The following SPAG16 variants were observed in gnomAD, a reference collection of about 807,000 sequenced individuals.
The protein encoded by SPAG16 is sperm associated antigen 16.
Under a neutral mutation model 80.4 loss-of-function variants are expected in SPAG16, and 86 were observed. The observed-to-expected ratio is 1.07, with a 90% confidence interval of 0.90 to 1.28. SPAG16 has a LOEUF of 1.28. Among genes scored for constraint, SPAG16 ranks in the 50% most tolerant of loss-of-function variants. The pLI, the probability that SPAG16 is intolerant of heterozygous loss-of-function variation, is 0.00. For synonymous variants in SPAG16, 294 were observed against 265.9 expected, an observed-to-expected ratio of 1.11 and a Z score of -1.03; for missense variants, 870 against 765.3, an observed-to-expected ratio of 1.14 and a Z score of -1.61.
At chr2:214,249,902 G>A (rs1361295249) in intron 15 of SPAG16, 1 of 152,118 alleles carries the variant, frequency 6.6e-6, no homozygotes, top group Non-Finnish European at 1.5e-5. Context: ...CAGTGCTTTA[G>A]CCTGATGAAA....
At chr2:213,828,046 T>C (rs78657709) in intron 10 of SPAG16, among the ~76,000 whole-genome samples, 1,956 of 152,256 alleles carry the variant, frequency 0.013, 39 homozygotes, top group African/African-American at 0.045. Flanking sequence ...TGAATATTGG[T>C]ATTTCTCTCT....
intron 15 of SPAG16, among the ~76,000 whole-genome samples, chr2:214,355,402 G>A (rs1392673876): frequency 7.0e-6 from 1 of 143,748 alleles, no homozygotes; most frequent in African/African-American, 2.5e-5. Flanking sequence ...CATTTATGCA[G>A]CCAAAAAACA....
intron 10 of SPAG16, among the ~76,000 whole-genome samples, chr2:213,559,735 A>C (rs2059543438): frequency 6.6e-6 from 1 of 152,112 alleles, no homozygotes; most frequent in South Asian, 2.1e-4. Flanking sequence ...TAATAGTTTA[A>C]GGTTTCATAG....
chr2:214,084,386 A>G (rs943891173), intron 13 of SPAG16, among the ~76,000 whole-genome samples: 1 of 152,034 alleles, frequency 6.6e-6, no homozygotes, highest in African/African-American at 2.4e-5. Flanking sequence ...TCAGCACGTA[A>G]TCTTTGAAAA....
intron 15 of SPAG16, among the ~76,000 whole-genome samples, chr2:214,153,196 A>G (rs1679019076): frequency 6.6e-6 from 1 of 152,084 alleles, no homozygotes; most frequent in African/African-American, 2.4e-5. Context: ...GTGTCTTCCC[A>G]GACGCTGGCA....
chr2:214,089,196 T>G (rs1030986421), intron 13 of SPAG16, among the ~76,000 whole-genome samples: 1 of 152,036 alleles, frequency 6.6e-6, no homozygotes, highest in Non-Finnish European at 1.5e-5. Flanking sequence ...GCCAGAGTAA[T>G]CAATAAATCT....
At chr2:214,144,791 C>T (rs563199048) in intron 14 of SPAG16, among the ~76,000 whole-genome samples, 39 of 151,932 alleles carry the variant, frequency 2.6e-4, no homozygotes, top group African/African-American at 8.7e-4. Context: ...ATATAACATA[C>T]GTGTATATGA....
chr2:214,121,432 A>G (rs1576275754), intron 14 of SPAG16, among the ~76,000 whole-genome samples: 1 of 151,826 alleles, frequency 6.6e-6, no homozygotes, highest in Admixed American at 6.6e-5. Context: ...GTCTCTGTAC[A>G]ATTGTCCAAT....
At chr2:214,148,706 A>C (rs1326692716) in intron 14 of SPAG16, among the ~76,000 whole-genome samples, 1 of 152,044 alleles carries the variant, frequency 6.6e-6, no homozygotes, top group Admixed American at 6.6e-5. Flanking sequence ...TGAGATATGC[A>C]TGTGGTATAA....
Position 214,248,287 on chromosome 2 carries a change from ATATTATTATTATTAT to A in SPAG16, c.1720+99056_1720+99070del, listed in dbSNP as rs71975870. Among the ~76,000 whole-genome samples the A allele has an allele frequency of 8.1e-4, 112 of 138,546 alleles. 2 individuals carry two copies. The highest frequency in any genetic ancestry group is 7.4e-3 in the Middle Eastern group (2 of 270). The allele number at this position is 138,546 out of a possible 152,430, so 90.9% of individuals were successfully genotyped here. A position where few individuals can be genotyped will look rare whatever the true frequency, so the allele number is the denominator to read the frequency against. ...CTGCTATGTGCTGGGTACTATTCTT[ATATTATTATTATTAT>A]TATTATTATTATTATTATTATTATT... On this transcript the variant is annotated intron_variant, in intron 15 of 15. Coordinates refer to ENST00000331683, the MANE Select transcript of SPAG16 (RefSeq NM_024532.5).
intron 9 of SPAG16, among the ~76,000 whole-genome samples, chr2:213,464,300 TAAG>T (rs1438210501): frequency 5.3e-5 from 8 of 152,186 alleles, no homozygotes; most frequent in Non-Finnish European, 1.0e-4. Context: ...ATGAGTCTCT[TAAG>T]AAAGTTTTCT....
chr2:214,285,265 C>T (rs1693266865), intron 15 of SPAG16, among the ~76,000 whole-genome samples: 1 of 152,016 alleles, frequency 6.6e-6, no homozygotes, highest in African/African-American at 2.4e-5. Context: ...CATTTGTTTG[C>T]CTTCCTTGGA....
At chr2:214,100,698 A>G (rs1386918633) in intron 13 of SPAG16, among the ~76,000 whole-genome samples, 3 of 152,142 alleles carry the variant, frequency 2.0e-5, no homozygotes, top group African/African-American at 7.2e-5. Context: ...AGCTCTATCC[A>G]TGGTCCTGCA....
chr2:213,598,016 C>A (rs955814440), intron 10 of SPAG16, among the ~76,000 whole-genome samples: 38 of 152,136 alleles, frequency 2.5e-4, no homozygotes, highest in African/African-American at 7.0e-4. Context: ...GAGGTTTCAT[C>A]TACATAAAAA....
At chr2:213,775,153 T>C (rs552294377) in intron 10 of SPAG16, among the ~76,000 whole-genome samples, 2 of 152,206 alleles carry the variant, frequency 1.3e-5, no homozygotes, top group Non-Finnish European at 2.9e-5. Context: ...ATCCTGAGTC[T>C]CTTCTAGATT....
intron 9 of SPAG16, among the ~76,000 whole-genome samples, chr2:213,452,444 T>C (rs1344423264): frequency 1.3e-5 from 2 of 152,192 alleles, no homozygotes; most frequent in Non-Finnish European, 2.9e-5. Flanking sequence ...TTATTTTTCT[T>C]TTCTCAACTC....
At chr2:214,198,677 C>G (rs2057917390) in intron 15 of SPAG16, among the ~76,000 whole-genome samples, 1 of 152,016 alleles carries the variant, frequency 6.6e-6, no homozygotes, top group Admixed American at 6.6e-5. Context: ...AGGCTCTATA[C>G]TGTTTTCCAT....
intron 9 of SPAG16, among the ~76,000 whole-genome samples, chr2:213,415,427 T>G (rs1007144712): frequency 6.6e-6 from 1 of 152,106 alleles, no homozygotes; most frequent in Non-Finnish European, 1.5e-5. Context: ...TTTCAGCACA[T>G]GAAAAAACAA....
intron 10 of SPAG16, among the ~76,000 whole-genome samples, chr2:213,577,312 A>G (rs549898315): frequency 3.9e-5 from 6 of 152,268 alleles, no homozygotes; most frequent in African/African-American, 1.2e-4. Flanking sequence ...TACTTCCTGT[A>G]TCATCTTACC....
Sources: gnomAD v4.1 joint callset for allele counts (sites outside exome capture counted in the v4.1 genomes callset) on GRCh38, gnomAD v4.1.1 for gene constraint, MANE v1.5 for transcripts, NCBI Gene and HGNC (gene_info 2026-07-23, HGNC 2026-07-21) for gene names.